PLEKHM3: variants seen among roughly 807,000 people sequenced by gnomAD.
The protein encoded by PLEKHM3 is pleckstrin homology domain-containing family M member 3.
A neutral mutation model predicts 81.8 loss-of-function variants in PLEKHM3; 45 were observed. The observed-to-expected ratio is 0.55, with a 90% CI of 0.43 to 0.71. PLEKHM3 has a LOEUF of 0.71. Ranked by LOEUF, PLEKHM3 falls within the 30% of genes least tolerant of loss-of-function variation. PLEKHM3 has a pLI of 0.00. For synonymous variants in PLEKHM3, 352 were observed against 356.4 expected (o/e 0.99, Z 0.14); for missense variants, 788 against 924.3 (o/e 0.85, Z 1.91).
intron 6 of PLEKHM3, among the ~76,000 whole-genome samples, chr2:207,881,057 T>C (rs2092589172): frequency 6.6e-6 from 1 of 151,618 alleles, no homozygotes; most frequent in Non-Finnish European, 1.5e-5. Context: ...TCTTCTGAAT[T>C]TCTGAATTTA....
rs557578759 is a variant in PLEKHM3 at position 207,846,645 on chromosome 2, C to A, written c.2108+14460G>T. Among the ~76,000 whole-genome samples, 312 of 151,918 alleles carry A rather than the reference C, an allele frequency of 2.1e-3. 1 individual carries two copies. The highest frequency in any genetic ancestry group is 7.0e-3 in the African/African-American group (292 of 41,450). ...GGCTGAGGTGAGAGGATCGTTTGAGCCTGGGAGGCAGAGGTTGCAGAAAGC... is the reference window on the plus strand; with the variant it reads ...GGCTGAGGTGAGAGGATCGTTTGAGACTGGGAGGCAGAGGTTGCAGAAAGC... On this transcript the variant is annotated intron_variant, in intron 7 of 7. Transcript: ENST00000427836.
intron 3 of PLEKHM3, among the ~76,000 whole-genome samples, chr2:207,966,678 G>A (rs754224845): frequency 7.0e-4 from 107 of 152,042 alleles, no homozygotes; most frequent in Non-Finnish European, 1.1e-3. Context: ...TCAGCCTCCC[G>A]AGTAGCTGGG....
intron 6 of PLEKHM3, among the ~76,000 whole-genome samples, chr2:207,865,073 A>G (rs1243984886): frequency 1.3e-5 from 2 of 152,122 alleles, no homozygotes; most frequent in South Asian, 4.1e-4. Flanking sequence ...TTCTAGTATT[A>G]TATCTCTTGT....
chr2:207,893,500 G>GT (rs1297901108), intron 6 of PLEKHM3, among the ~76,000 whole-genome samples: 2 of 152,188 alleles, frequency 1.3e-5, no homozygotes, highest in East Asian at 3.8e-4. Flanking sequence ...TAGAAGTTGG[G>GT]TTTTTTAACC....
intron 6 of PLEKHM3, among the ~76,000 whole-genome samples, chr2:207,881,724 G>C (rs2092592598): frequency 6.6e-6 from 1 of 152,178 alleles, no homozygotes; most frequent in Non-Finnish European, 1.5e-5. Flanking sequence ...GTCAACCACT[G>C]GGTCTTCTTA....
chr2:207,940,340 A>C (rs1209830153), intron 4 of PLEKHM3, among the ~76,000 whole-genome samples: 3 of 152,234 alleles, frequency 2.0e-5, no homozygotes, highest in Admixed American at 2.0e-4. Flanking sequence ...TGAAATTATG[A>C]TGAGAACAAA....
In PLEKHM3 at chr2:207,951,206, T is replaced by C. The variant is rs190413611; in HGVS notation, c.1547-4694A>G. On this transcript the variant is annotated intron_variant, in intron 3 of 7. Coordinates refer to ENST00000427836, the MANE Select transcript of PLEKHM3 (RefSeq NM_001080475.3). ...GGGAAAATTTTTTCTTAATAATCAC[T>C]GTTACAAAAAACCATTTTTTTAGAG... Among the ~76,000 whole-genome samples, 302 of 152,276 alleles carry C rather than the reference T, an allele frequency of 2.0e-3. 2 individuals are homozygous for C. Among genetic ancestry groups the C allele is most frequent in the African/African-American group, 6.8e-3 (282 of 41,566 alleles).
At chr2:207,867,132 T>G (rs1223303128) in intron 6 of PLEKHM3, among the ~76,000 whole-genome samples, 2 of 152,232 alleles carry the variant, frequency 1.3e-5, no homozygotes, top group African/African-American at 2.4e-5. Context: ...TCTTTACCCC[T>G]GGCTGTCAGC....
intron 3 of PLEKHM3, among the ~76,000 whole-genome samples, chr2:207,957,528 C>T (rs1391155675): frequency 6.6e-6 from 1 of 152,140 alleles, no homozygotes; most frequent in Non-Finnish European, 1.5e-5. Flanking sequence ...AAAACTTTGT[C>T]TCTACTAAAA....
At chr2:207,993,284 G>A (rs138196431) in intron 2 of PLEKHM3, among the ~76,000 whole-genome samples, 2 of 152,186 alleles carry the variant, frequency 1.3e-5, no homozygotes, top group African/African-American at 4.8e-5. Flanking sequence ...GAAACTATAC[G>A]ACCATATAAA....
At chr2:207,961,037 T>G (rs1690712734) in intron 3 of PLEKHM3, among the ~76,000 whole-genome samples, 1 of 152,216 alleles carries the variant, frequency 6.6e-6, no homozygotes, top group Non-Finnish European at 1.5e-5. Flanking sequence ...AAAATAGTGT[T>G]GAAGAGGCTG....
chr2:207,951,185 A>C, intron 3 of PLEKHM3, among the ~76,000 whole-genome samples: 1 of 152,234 alleles, frequency 6.6e-6, no homozygotes, highest in South Asian at 2.1e-4. Context: ...TTAACAGGGA[A>C]AATTTTTTCT....
chr2:207,901,266 A>G (rs1307052397), intron 6 of PLEKHM3: 11 of 703,000 alleles, frequency 1.6e-5, no homozygotes, highest in Middle Eastern at 2.3e-4. Flanking sequence ...CGATCCTTCA[A>G]TCATCTGTGG....
intron 1 of PLEKHM3, among the ~76,000 whole-genome samples, chr2:208,023,693 C>A (rs917303594): frequency 4.6e-5 from 7 of 151,912 alleles, no homozygotes; most frequent in Admixed American, 4.6e-4. Flanking sequence ...TAACTATCAC[C>A]CCCCTACTCC....
intron 5 of PLEKHM3, among the ~76,000 whole-genome samples, chr2:207,922,274 C>CT: frequency 6.6e-6 from 1 of 152,254 alleles, no homozygotes; most frequent in South Asian, 2.1e-4. Flanking sequence ...TCTGCCCTAC[C>CT]TATCTAAAAG....
chr2:207,931,122 A>G lies in PLEKHM3; in HGVS notation c.1693-3T>C. Reference sequence around the variant, plus strand: ...AACTCCTTGGCCTGCTTCGACACCTACAAAACAAGCGTCGTCAGTCAGTCC... The same window carrying G: ...AACTCCTTGGCCTGCTTCGACACCTGCAAAACAAGCGTCGTCAGTCAGTCC... On this transcript the variant is annotated splice_polypyrimidine_tract_variant and splice_region_variant and intron_variant, in intron 4 of 7. Transcript: ENST00000427836. The G allele has an allele frequency of 6.2e-7, 1 of 1,603,108 alleles. No homozygotes were observed.
intron 4 of PLEKHM3, among the ~76,000 whole-genome samples, chr2:207,940,189 T>A (rs55703715): frequency 6.6e-6 from 1 of 152,058 alleles, no homozygotes; most frequent in Non-Finnish European, 1.5e-5. Context: ...ATAGAGAAAA[T>A]AGACAAGCAA....
intron 1 of PLEKHM3, among the ~76,000 whole-genome samples, chr2:208,008,238 A>AAAAT (rs1362197693): frequency 2.6e-5 from 4 of 151,712 alleles, no homozygotes; most frequent in Non-Finnish European, 5.9e-5. Context: ...ACCCTGTCTC[A>AAAAT]AAATAAATAA....
intron 3 of PLEKHM3, among the ~76,000 whole-genome samples, chr2:207,950,161 T>A (rs1171529000): frequency 6.6e-6 from 1 of 152,228 alleles, no homozygotes; most frequent in Admixed American, 6.5e-5. Flanking sequence ...CACCTACCTT[T>A]AGTCCTTGGG....
Sources: gnomAD v4.1 joint callset for allele counts (sites outside exome capture counted in the v4.1 genomes callset) on GRCh38, gnomAD v4.1.1 for gene constraint, MANE v1.5 for transcripts, NCBI Gene and HGNC (gene_info 2026-07-23, HGNC 2026-07-21) for gene names.